Variants in NHLRC2 observed in about 807,000 individuals in gnomAD.
NHLRC2 encodes NHL repeat-containing protein 2.
A neutral mutation model predicts 68.1 loss-of-function variants in NHLRC2; 33 were observed. That is an observed-to-expected ratio of 0.48 (90% CI 0.37 to 0.65). NHLRC2 has a LOEUF of 0.65. NHLRC2 is among the 30% of genes least tolerant of loss of function. The pLI is 0.00. For synonymous variants in NHLRC2, 311 were observed against 309.6 expected (o/e 1.00, Z -0.05); for missense variants, 761 against 853.8 (o/e 0.89, Z 1.35).
chr10:113,906,953 C>G (rs1033387653), intron 10 of NHLRC2, among the ~76,000 whole-genome samples: 2 of 152,294 alleles, frequency 1.3e-5, no homozygotes, highest in African/African-American at 4.8e-5. Context: ...CGCCACTGCA[C>G]TCTAGCCTGG....
chr10:113,875,547 A>G (rs1314236921), intron 2 of NHLRC2, among the ~76,000 whole-genome samples: 6 of 152,172 alleles, frequency 3.9e-5, no homozygotes, highest in Admixed American at 6.5e-5. Flanking sequence ...AAAGCTAGGA[A>G]AAGGATTGGA....
intron 1 of NHLRC2, among the ~76,000 whole-genome samples, chr10:113,858,047 T>C (rs1303960231): frequency 7.6e-6 from 1 of 131,788 alleles, no homozygotes; most frequent in Non-Finnish European, 1.6e-5. Flanking sequence ...TATTTCTTCC[T>C]TTTTTTTTTT....
Position 113,909,823 on chromosome 10 carries a change from T to C in NHLRC2, c.*1287T>C, listed in dbSNP as rs1045040602. 6.6e-5 allele frequency: 10 copies of C among 152,226 alleles called. No individual in the cohort carries two copies. Among genetic ancestry groups the C allele is most frequent in the Non-Finnish European group, 1.0e-4 (7 of 68,030 alleles). The allele number at this position is 152,226 out of a possible 1,614,324, so 9.4% of individuals were successfully genotyped here. ...ACATCAGGTGAACCATGTTTATTTA[T>C]TCAGTAAATATTTATAGACAATATG... On this transcript the variant is annotated 3_prime_UTR_variant, in exon 11 of 11. Transcript: ENST00000369301.
chr10:113,871,776 C>T (rs192919913), intron 2 of NHLRC2, among the ~76,000 whole-genome samples: 1 of 152,288 alleles, frequency 6.6e-6, no homozygotes, highest in African/African-American at 2.4e-5. Flanking sequence ...TGTCCCTCCC[C>T]TCTGTTCCAA....
chr10:113,891,876 C>G (rs1015291479), intron 5 of NHLRC2, among the ~76,000 whole-genome samples: 5 of 152,216 alleles, frequency 3.3e-5, no homozygotes, highest in African/African-American at 1.2e-4. Flanking sequence ...TGCTGTTCCT[C>G]TCTCTGGCAG....
At chr10:113,882,539 G>A (rs1252014676) in intron 4 of NHLRC2, among the ~76,000 whole-genome samples, 2 of 151,568 alleles carry the variant, frequency 1.3e-5, no homozygotes, top group Non-Finnish European at 3.0e-5. Context: ...TTTTAATTGG[G>A]TTGTCTTTTC....
intron 2 of NHLRC2, among the ~76,000 whole-genome samples, chr10:113,870,005 G>GGGAATGGTATT: frequency 6.6e-6 from 1 of 152,200 alleles, no homozygotes; most frequent in South Asian, 2.1e-4. Context: ...TCTTTAAGGA[G>GGGAATGGTATT]CTTTGATCCC....
intron 5 of NHLRC2, among the ~76,000 whole-genome samples, chr10:113,886,550 A>G (rs563333835): frequency 4.3e-4 from 65 of 152,316 alleles, no homozygotes; most frequent in African/African-American, 1.5e-3. Flanking sequence ...CAACCAATAT[A>G]ACAGGATAGA....
At chr10:113,905,281 T>G (rs558716240) in intron 10 of NHLRC2, among the ~76,000 whole-genome samples, 2 of 152,342 alleles carry the variant, frequency 1.3e-5, no homozygotes, top group East Asian at 3.9e-4. Flanking sequence ...CATGATTTCT[T>G]GGAATGTGGG....
rs78215750 is a variant in NHLRC2 at position 113,897,624 on chromosome 10, G to A, written c.1040-486G>A. On this transcript the variant is annotated intron_variant, in intron 5 of 10. Transcript: ENST00000369301. ...GTTTCCTGTTCATTTTCGTAGTCCC[G>A]GGTTGTGGCTCTAGAATAACTGAAA... is the stretch of plus-strand genomic sequence containing the variant. Among the ~76,000 whole-genome samples, 90 of 152,184 alleles carry A rather than the reference G, an allele frequency of 5.9e-4. No individual in the cohort carries two copies. The East Asian group carries it at 0.015, about 25-fold the overall frequency.
At chr10:113,855,920 A>G (rs917097692) in intron 1 of NHLRC2, among the ~76,000 whole-genome samples, 3 of 152,198 alleles carry the variant, frequency 2.0e-5, no homozygotes, top group African/African-American at 7.2e-5. Flanking sequence ...AGTTGAGGAA[A>G]TGGAAGCACA....
chr10:113,859,037 T>C (rs1194958619), intron 2 of NHLRC2, among the ~76,000 whole-genome samples: 2 of 152,178 alleles, frequency 1.3e-5, no homozygotes, highest in Non-Finnish European at 2.9e-5. Context: ...TACACTGTTT[T>C]CACTGTGATA....
At chr10:113,907,651 A>T (rs1413718504) in intron 10 of NHLRC2, among the ~76,000 whole-genome samples, 1 of 152,190 alleles carries the variant, frequency 6.6e-6, no homozygotes, top group Non-Finnish European at 1.5e-5. Context: ...TATTTCTAGG[A>T]AGAGTTTTAC....
chr10:113,882,332 T>A (rs560637509), intron 4 of NHLRC2, among the ~76,000 whole-genome samples: 1 of 151,926 alleles, frequency 6.6e-6, no homozygotes, highest in East Asian at 1.9e-4. Flanking sequence ...TATATGTGGG[T>A]TCCAATTTTC....
rs757267294 is a variant in NHLRC2, at chr10:113,876,789, CAG to C, written c.601_602del (p.Arg201GlyfsTer6). On this transcript the variant is annotated frameshift_variant, in exon 3 of 11. Transcript: ENST00000369301. LOFTEE classifies it high-confidence loss of function. ...CAATTGCTTTAAAGTATTACAAAGA[CAG>C]GGGGCAGATCAGAGATAATAAAATT... ...TSIALKYYKD[R>X]GQIRDNKIGI... is the part of the protein sequence containing the mutation. 3.1e-5 allele frequency: 50 copies of C among 1,611,570 alleles called. No homozygotes were observed. The highest frequency in any genetic ancestry group is 3.2e-5 in the Non-Finnish European group (38 of 1,178,044).
chr10:113,887,989 G>T (rs929699570), intron 5 of NHLRC2, among the ~76,000 whole-genome samples: 4 of 152,144 alleles, frequency 2.6e-5, no homozygotes, highest in African/African-American at 9.7e-5. Context: ...CAGCACTTTG[G>T]GAGGCTAAGG....
rs1191471623 is a variant in NHLRC2, at chr10:113,916,387, T to C, written c.*7851T>C. The C allele has an allele frequency of 2.0e-5, 3 of 152,228 alleles. No individual in the cohort carries two copies. Among genetic ancestry groups the C allele is most frequent in the African/African-American group, 4.8e-5 (2 of 41,466 alleles). 9.4% of individuals were successfully genotyped at this position (152,228 alleles called of 1,614,324 possible). On this transcript the variant is annotated 3_prime_UTR_variant, in exon 11 of 11. Transcript: ENST00000369301. ...ATTATGGTTATATAAATAACAGATA[T>C]GGCAGAACAATTTTGTTGTAGTATT...
At chr10:113,882,572 T>G (rs1846044803) in intron 4 of NHLRC2, among the ~76,000 whole-genome samples, 1 of 151,826 alleles carries the variant, frequency 6.6e-6, no homozygotes, top group South Asian at 2.1e-4. Context: ...GTAAGAATCC[T>G]TTGTATATTC....
chr10:113,858,609 C>T lies in NHLRC2; in HGVS notation c.260C>T (p.Thr87Ile), dbSNP rs759418741. 3.7e-6 allele frequency: 6 copies of T among 1,609,124 alleles called. No homozygotes were observed. The highest frequency in any genetic ancestry group is 3.4e-6 in the Non-Finnish European group (4 of 1,175,474). The change falls in exon 2 of 11, where the codon ACC becomes ATC. Residue 87 changes from threonine to isoleucine, a missense_variant. Transcript: ENST00000369301. ...CGKIVVLDFF[T>I]YCCINCIHLL... ...AAAATAGTCGTCCTTGATTTCTTCA[C>T]CTACTGCTGCATAAACTGTATTCAC...
Sources: gnomAD v4.1 joint callset for allele counts (sites outside exome capture counted in the v4.1 genomes callset) on GRCh38, gnomAD v4.1.1 for gene constraint, MANE v1.5 for transcripts, NCBI Gene and HGNC (gene_info 2026-07-23, HGNC 2026-07-21) for gene names.